The following CEP112 variants were observed in gnomAD, a reference collection of about 807,000 sequenced individuals.
CEP112 encodes centrosomal protein of 112 kDa.
CEP112 carries 127 observed loss-of-function variants against 153.0 expected under a neutral mutation model. The observed-to-expected ratio is 0.83, with a 90% CI of 0.72 to 0.96. The LOEUF is 0.96. Ranked by LOEUF, CEP112 falls within the 40% of genes least tolerant of loss-of-function variation. The probability of loss-of-function intolerance (pLI) is 0.00; values close to 1 mark genes in which losing one functional copy is unlikely to be tolerated. For synonymous variants in CEP112, 358 were observed against 374.4 expected, an observed-to-expected ratio of 0.96 and a Z score of 0.51; for missense variants, 1,089 against 1,101.2, an observed-to-expected ratio of 0.99 and a Z score of 0.16.
At chr17:65,907,573 T>A (rs8077371) in intron 19 of CEP112, among the ~76,000 whole-genome samples, 35,580 of 152,044 alleles carry the variant, frequency 0.23, 4,561 homozygotes, top group South Asian at 0.39. Flanking sequence ...AACTTCTGGA[T>A]GTCATGAGCC....
chr17:66,008,522 A>AT (rs955654824), intron 16 of CEP112, among the ~76,000 whole-genome samples: 1 of 151,766 alleles, frequency 6.6e-6, no homozygotes, highest in Non-Finnish European at 1.5e-5. Context: ...CCTGGATCAT[A>AT]TTTTTTTAGA....
At chr17:66,101,157 A>T (rs2068553571) in intron 6 of CEP112, among the ~76,000 whole-genome samples, 2 of 152,252 alleles carry the variant, frequency 1.3e-5, no homozygotes, top group South Asian at 4.1e-4. Context: ...AGTCAAAAAG[A>T]TTAGACATTT....
chr17:65,894,010 A>G (rs1234506509), intron 20 of CEP112, among the ~76,000 whole-genome samples: 1 of 152,156 alleles, frequency 6.6e-6, no homozygotes, highest in African/African-American at 2.4e-5. Flanking sequence ...TGAAGACATC[A>G]GGGATGTCTC....
At chr17:65,650,741 A>AAT (rs2045714951) in intron 24 of CEP112, among the ~76,000 whole-genome samples, 2 of 150,292 alleles carry the variant, frequency 1.3e-5, no homozygotes, top group African/African-American at 4.9e-5. Context: ...AAAAAAAAAA[A>AAT]AAAAAAAAAA....
At chr17:65,937,623 G>C (rs1181665688) in intron 18 of CEP112, among the ~76,000 whole-genome samples, 1 of 97,290 alleles carries the variant, frequency 1.0e-5, no homozygotes, top group Non-Finnish European at 2.1e-5. Flanking sequence ...AGGTGGGGGG[G>C]TCAGCCCCCC....
intron 4 of CEP112, among the ~76,000 whole-genome samples, chr17:66,173,672 C>T (rs2072340094): frequency 6.6e-6 from 1 of 152,166 alleles, no homozygotes; most frequent in South Asian, 2.1e-4. Context: ...ACCACAATCT[C>T]TTTATACCTC....
intron 21 of CEP112, among the ~76,000 whole-genome samples, chr17:65,769,905 C>T (rs1226610133): frequency 6.6e-6 from 1 of 151,906 alleles, no homozygotes; most frequent in African/African-American, 2.4e-5. Flanking sequence ...CATGCCAGGG[C>T]AGAAACTGGA....
intron 21 of CEP112, among the ~76,000 whole-genome samples, chr17:65,842,925 C>A (rs2057577136): frequency 1.3e-5 from 2 of 151,006 alleles, no homozygotes; most frequent in East Asian, 3.9e-4. Flanking sequence ...TTTTTTATTT[C>A]TTTAAATACT....
At chr17:65,749,760 A>ACATTAGATATTATTATCTTTCTGTTGTT (rs1555639663) in intron 22 of CEP112, among the ~76,000 whole-genome samples, 1 of 150,222 alleles carries the variant, frequency 6.7e-6, no homozygotes, top group Non-Finnish European at 1.5e-5. Context: ...TGCCCCATGA[A>ACATTAGATATTATTATCTTTCTGTTGTT]CATTAGATAT....
chr17:65,737,456 A>T (rs768531742), intron 23 of CEP112, among the ~76,000 whole-genome samples: 1 of 152,116 alleles, frequency 6.6e-6, no homozygotes, highest in African/African-American at 2.4e-5. Context: ...ACAGTAGGGG[A>T]GACGGATGTG....
At chr17:65,642,222 T>A (rs7225572) in intron 24 of CEP112, among the ~76,000 whole-genome samples, 12,232 of 152,264 alleles carry the variant, frequency 0.08, 1,450 homozygotes, top group African/African-American at 0.26. Context: ...ATCTGTTGCA[T>A]GTGCTGTGCA....
chr17:65,906,947 A>G (rs144396171), intron 19 of CEP112, among the ~76,000 whole-genome samples: 1 of 152,250 alleles, frequency 6.6e-6, no homozygotes, highest in Non-Finnish European at 1.5e-5. Flanking sequence ...TTAAGCATGT[A>G]ACACACTGAA....
intron 24 of CEP112, among the ~76,000 whole-genome samples, chr17:65,678,416 G>A (rs1234527097): frequency 2.0e-5 from 3 of 152,136 alleles, no homozygotes; most frequent in Admixed American, 2.0e-4. Flanking sequence ...TATTCTTTAA[G>A]AGCCTCCATA....
chr17:65,880,863 A>C (rs1253892108), intron 20 of CEP112, among the ~76,000 whole-genome samples: 1 of 152,198 alleles, frequency 6.6e-6, no homozygotes, highest in Non-Finnish European at 1.5e-5. Flanking sequence ...TAAAGGAGCA[A>C]CACTTATTAA....
At chr17:65,751,478 G>A (rs922035489) in intron 21 of CEP112, among the ~76,000 whole-genome samples, 1 of 152,198 alleles carries the variant, frequency 6.6e-6, no homozygotes, top group Non-Finnish European at 1.5e-5. Flanking sequence ...TCAATCATGC[G>A]GGCACTAAAG....
intron 10 of CEP112, among the ~76,000 whole-genome samples, chr17:66,064,544 C>A (rs1048956054): frequency 6.6e-6 from 1 of 152,018 alleles, no homozygotes; most frequent in South Asian, 2.1e-4. Flanking sequence ...TCATTTACTT[C>A]GAGACAGCAA....
At chr17:65,739,736 A>C (rs1157454077) in intron 23 of CEP112, among the ~76,000 whole-genome samples, 1 of 145,384 alleles carries the variant, frequency 6.9e-6, no homozygotes, top group African/African-American at 2.5e-5. Context: ...ACTCCATCTC[A>C]AAAAAAAAAA....
chr17:65,676,636 T>C (rs1321949148), intron 24 of CEP112, among the ~76,000 whole-genome samples: 1 of 152,198 alleles, frequency 6.6e-6, no homozygotes, highest in African/African-American at 2.4e-5. Flanking sequence ...CCAGGCCATA[T>C]AGTAGGTGCT....
chr17:65,807,390 A>G (rs1449419323), intron 21 of CEP112, among the ~76,000 whole-genome samples: 2 of 152,226 alleles, frequency 1.3e-5, no homozygotes, highest in Admixed American at 6.5e-5. Context: ...ACCATGTGGT[A>G]GAAAAGAAAA....
Sources: gnomAD v4.1 joint callset for allele counts (sites outside exome capture counted in the v4.1 genomes callset) on GRCh38, gnomAD v4.1.1 for gene constraint, MANE v1.5 for transcripts, NCBI Gene and HGNC (gene_info 2026-07-23, HGNC 2026-07-21) for gene names.